Variants in ACSL6 observed in about 807,000 individuals in gnomAD.
The protein encoded by ACSL6 is long-chain-fatty-acid--CoA ligase 6.
In ACSL6, 47 loss-of-function variants were observed where a neutral mutation model predicts 98.2. The observed-to-expected ratio is 0.48, with a 90% CI of 0.38 to 0.61. ACSL6 has a LOEUF of 0.61. Among genes scored for constraint, ACSL6 ranks in the 20% least tolerant of loss-of-function variants. The probability of loss-of-function intolerance (pLI) is 0.00; values close to 1 mark genes in which losing one functional copy is unlikely to be tolerated. For missense variants in ACSL6, 761 were observed against 913.4 expected (o/e 0.83, Z 2.15); for synonymous variants, 362 against 336.9 (o/e 1.07, Z -0.82).
At position 131,998,705 on chromosome 5, in the gene ACSL6, C is replaced by T. The variant is rs149027683; in HGVS notation, c.50-4454G>A. Among the ~76,000 whole-genome samples the T allele has an allele frequency of 5.4e-3, 824 of 152,318 alleles. 8 individuals carry two copies. Among genetic ancestry groups the T allele is most frequent in the African/African-American group, 0.019 (803 of 41,556 alleles). On this transcript the variant is annotated intron_variant, in intron 1 of 20. Transcript: ENST00000651883. ...ACGGCCCCAGGCCTGACAGCCACCA[C>T]CAACCACAGCCCAGACTCCCATACC... is the stretch of plus-strand genomic sequence containing the variant.
intron 17 of ACSL6, among the ~76,000 whole-genome samples, chr5:131,964,195 T>C (rs1200383281): frequency 6.6e-6 from 1 of 152,112 alleles, no homozygotes; most frequent in Non-Finnish European, 1.5e-5. Context: ...AAAACCATAA[T>C]AGGGTTGTAT....
At chr5:131,974,541 C>A (rs1345925707) in intron 11 of ACSL6, among the ~76,000 whole-genome samples, 1 of 152,152 alleles carries the variant, frequency 6.6e-6, no homozygotes, top group Non-Finnish European at 1.5e-5. Context: ...CTGAGTGTGT[C>A]CATGGGTAAG....
intron 6 of ACSL6, 36 bp downstream of exon 6, chr5:131,988,767 CAG>C (rs1248846156): frequency 3.1e-6 from 5 of 1,601,754 alleles, no homozygotes; most frequent in Non-Finnish European, 4.3e-6. Flanking sequence ...GGCTGGGGAC[CAG>C]TTGCCAGTGG....
chr5:131,994,547 G>A (rs1313933299), intron 1 of ACSL6: 4 of 409,120 alleles, frequency 9.8e-6, no homozygotes, highest in Non-Finnish European at 1.8e-5. Flanking sequence ...CAGGGCCACT[G>A]CTCTGGCAGC....
Position 131,959,581 on chromosome 5 carries a change from A to G in ACSL6, c.1986T>C (p.Asp662=). ...NKDLKKAILE[D]MVRLGKESGL... The stretch of plus-strand genomic sequence containing the variant: ...CACTTTCTTTTCCTAACCTCACCAT[A>G]TCTTCCAAAATGGCTTTCTTCAGAT... Residue 662 remains aspartate, a synonymous_variant, in exon 20 of 21, where the codon GAT becomes GAC. Transcript: ENST00000651883. 1 of 1,614,224 alleles carries G rather than the reference A, an allele frequency of 6.2e-7. No homozygotes were observed. The highest frequency in any genetic ancestry group is 1.3e-5 in the African/African-American group (1 of 75,068).
intron 15 of ACSL6, chr5:131,968,335 CAG>C (rs887317417): frequency 1.6e-5 from 4 of 245,904 alleles, no homozygotes; most frequent in Non-Finnish European, 3.1e-5. Flanking sequence ...GCATCAAACA[CAG>C]GGTCAAGATT....
chr5:131,959,003 C>G (rs1043277877), intron 20 of ACSL6, among the ~76,000 whole-genome samples: 20 of 151,672 alleles, frequency 1.3e-4, no homozygotes, highest in Admixed American at 1.2e-3. Flanking sequence ...TGCTTATGAG[C>G]TCAATTACAG....
At chr5:132,007,815 G>T (rs1271320451) in intron 1 of ACSL6, among the ~76,000 whole-genome samples, 1 of 152,176 alleles carries the variant, frequency 6.6e-6, no homozygotes, top group Admixed American at 6.5e-5. Flanking sequence ...ACACAGTGTA[G>T]CTTCTGTTAT....
At chr5:131,963,063 C>T (rs1752799077) in intron 17 of ACSL6, among the ~76,000 whole-genome samples, 1 of 152,088 alleles carries the variant, frequency 6.6e-6, no homozygotes, top group Non-Finnish European at 1.5e-5. Context: ...CCCTTTTTCT[C>T]ACCAGCATCT....
intron 6 of ACSL6, 117 bp from the exon 7 acceptor site, chr5:131,988,343 A>G (rs1754311064): frequency 7.4e-7 from 1 of 1,347,004 alleles, no homozygotes; most frequent in South Asian, 1.4e-5. Context: ...CCCATAGCTT[A>G]TGTGTAAATA....
rs921356550 is a variant in ACSL6 at position 131,950,900 on chromosome 5, A to G, written c.*3334T>C. The G allele has an allele frequency of 2.6e-5, 5 of 189,322 alleles. No individual in the cohort carries two copies. The highest frequency in any genetic ancestry group is 1.2e-4 in the African/African-American group (5 of 42,864). 11.7% of individuals were successfully genotyped at this position (189,322 alleles called of 1,614,324 possible). A position where few individuals can be genotyped will look rare whatever the true frequency, so the allele number is the denominator to read the frequency against. On this transcript the variant is annotated 3_prime_UTR_variant, in exon 21 of 21. Coordinates refer to ENST00000651883, the MANE Select transcript of ACSL6 (RefSeq NM_001009185.3). ...TTTTAACTACATGTAGAATGAAAGC[A>G]TGACTTGCATAAATGAAGGAGACAT...
In ACSL6 at chr5:131,954,001, C is replaced by G. The variant is rs1472741248; in HGVS notation, c.*233G>C. 1 of 313,928 alleles carries G rather than the reference C, an allele frequency of 3.2e-6. No homozygotes were observed. Among genetic ancestry groups the G allele is most frequent in the Non-Finnish European group, 5.7e-6 (1 of 174,512 alleles). The allele number at this position is 313,928 out of a possible 1,614,324, so 19.4% of individuals were successfully genotyped here. ...AGAAAATGTCTTGATTTTTACATTG[C>G]CATTTGTGATATTTTTAGCAGTCCA... On this transcript the variant is annotated 3_prime_UTR_variant, in exon 21 of 21. Transcript: ENST00000651883.
chr5:131,960,017 T>C (rs748695952), intron 19 of ACSL6, among the ~76,000 whole-genome samples: 7 of 152,222 alleles, frequency 4.6e-5, no homozygotes, highest in Middle Eastern at 3.2e-3. Flanking sequence ...CACAGAGTTC[T>C]AGATGTGCCA....
At chr5:131,988,022 C>A in intron 7 of ACSL6, 26 bp downstream of exon 7, 2 of 1,607,746 alleles carry the variant, frequency 1.2e-6, no homozygotes, top group Non-Finnish European at 1.7e-6. Context: ...AGTAGCCCAG[C>A]AAACCGCCCA....
intron 5 of ACSL6, 32 bp from the exon 6 acceptor site, chr5:131,988,936 G>C (rs1479756949): frequency 6.3e-7 from 1 of 1,594,212 alleles, no homozygotes; most frequent in Non-Finnish European, 8.6e-7. Flanking sequence ...GGGTGGGGAA[G>C]AAGGGGAGAT....
chr5:131,966,384 G>A lies in ACSL6; in HGVS notation c.1713+32C>T, dbSNP rs200915237. The A allele has an allele frequency of 1.9e-4, 309 of 1,608,480 alleles. 1 individual carries two copies. In the East Asian group the frequency reaches 6.5e-3, roughly 34 times the overall value. ...ACCACACACCCTCCCACTGCCAAAT[G>A]TTTGGAGCTCCGTGGTTCCAAACAT... On this transcript the variant is annotated intron_variant, in intron 17 of 20. Transcript: ENST00000651883.
intron 10 of ACSL6, chr5:131,976,138 C>CT: frequency 1.0e-6 from 1 of 985,446 alleles, no homozygotes; most frequent in South Asian, 4.7e-5. Context: ...TGCTAACATG[C>CT]TTTGGTCAGG....
intron 5 of ACSL6, 101 bp downstream of exon 5, chr5:131,989,306 C>T: frequency 8.5e-7 from 1 of 1,170,886 alleles, no homozygotes. Flanking sequence ...TCTGTTTTTT[C>T]TTTTGTCCTG....
At chr5:132,002,475 T>C (rs1755139284) in intron 1 of ACSL6, among the ~76,000 whole-genome samples, 1 of 151,752 alleles carries the variant, frequency 6.6e-6, no homozygotes, top group African/African-American at 2.4e-5. Flanking sequence ...GGAAGCTCCT[T>C]GAAGTAGGGA....
Sources: allele counts gnomAD v4.1 joint callset (sites outside exome capture counted in the v4.1 genomes callset), GRCh38; gene constraint gnomAD v4.1.1; transcripts MANE v1.5; gene names NCBI Gene and HGNC (gene_info 2026-07-23, HGNC 2026-07-21).